The following PTPRD variants were observed in gnomAD, a reference collection of about 807,000 sequenced individuals.
The protein encoded by PTPRD is protein tyrosine phosphatase receptor type D, also known as receptor-type tyrosine-protein phosphatase delta.
Under a neutral mutation model 214.5 loss-of-function variants are expected in PTPRD, and 34 were observed. That is an observed-to-expected ratio of 0.16 (90% CI 0.12 to 0.21). The LOEUF (loss-of-function observed/expected upper bound fraction) is 0.21. PTPRD is among the 10% of genes least tolerant of loss of function. The pLI, the probability that PTPRD is intolerant of heterozygous loss-of-function variation, is 1.00. For missense variants in PTPRD, 2,545 were observed against 2,398.7 expected, an observed-to-expected ratio of 1.06 and a Z score of -1.27; for synonymous variants, 1,128 against 845.7, an observed-to-expected ratio of 1.33 and a Z score of -5.79.
At chr9:9,333,992 A>G (rs1220289776) in intron 9 of PTPRD, among the ~76,000 whole-genome samples, 1 of 151,948 alleles carries the variant, frequency 6.6e-6, no homozygotes, top group Non-Finnish European at 1.5e-5. Flanking sequence ...AGGGGGAGGA[A>G]CTATGACTAA....
chr9:9,723,239 C>T (rs2097999839), intron 7 of PTPRD, among the ~76,000 whole-genome samples: 1 of 151,936 alleles, frequency 6.6e-6, no homozygotes, highest in East Asian at 1.9e-4. Flanking sequence ...TAAGACTATC[C>T]AGTTGTCTCA....
In PTPRD at chr9:8,376,052, C is replaced by T. The variant is rs1461777092; in HGVS notation, c.4545G>A (p.Gln1515=). ...SSEKREVRQF[Q]FTAWPDHGVP... Reference sequence around the variant, plus strand: ...CACCATGATCAGGCCAGGCGGTGAACTGGAATTGTCTCACTTCTCTCTTCT... The same window carrying T: ...CACCATGATCAGGCCAGGCGGTGAATTGGAATTGTCTCACTTCTCTCTTCT... Residue 1515 remains glutamine, a synonymous_variant, in exon 39 of 46, where the codon CAG becomes CAA. Coordinates refer to ENST00000381196, the MANE Select transcript of PTPRD (RefSeq NM_002839.4). 9 of 1,612,766 alleles carry T rather than the reference C, an allele frequency of 5.6e-6. No homozygotes were observed. Among genetic ancestry groups the T allele is most frequent in the Middle Eastern group, 1.6e-4 (1 of 6,068 alleles).
At chr9:9,599,287 G>C (rs1173375238) in intron 7 of PTPRD, among the ~76,000 whole-genome samples, 1 of 152,080 alleles carries the variant, frequency 6.6e-6, no homozygotes, top group African/African-American at 2.4e-5. Flanking sequence ...GGAATATAGG[G>C]AGACTCAGCC....
intron 2 of PTPRD, among the ~76,000 whole-genome samples, chr9:10,419,342 CATT>C (rs1794018853): frequency 6.6e-6 from 1 of 151,856 alleles, no homozygotes; most frequent in Admixed American, 6.6e-5. Context: ...TCTCTCCTAA[CATT>C]AGTGATGTTT....
chr9:9,051,141 A>G (rs901715511), intron 10 of PTPRD, among the ~76,000 whole-genome samples: 2 of 152,174 alleles, frequency 1.3e-5, no homozygotes, highest in Non-Finnish European at 2.9e-5. Flanking sequence ...TCTATATTTA[A>G]CAATATAAGT....
chr9:9,258,529 T>C (rs1279074423), intron 9 of PTPRD, among the ~76,000 whole-genome samples: 1 of 151,948 alleles, frequency 6.6e-6, no homozygotes, highest in East Asian at 2.0e-4. Context: ...TCAATAATGA[T>C]AACTTATGTC....
intron 10 of PTPRD, among the ~76,000 whole-genome samples, chr9:9,109,250 G>C (rs1329708439): frequency 6.6e-6 from 1 of 152,126 alleles, no homozygotes; most frequent in East Asian, 1.9e-4. Context: ...TCTATGTAGA[G>C]ATTAGCAGCA....
At chr9:8,923,043 T>C (rs1166192683) in intron 11 of PTPRD, among the ~76,000 whole-genome samples, 1 of 13,774 alleles carries the variant, frequency 7.3e-5, no homozygotes, top group South Asian at 1.3e-3. Context: ...TTGTCTGTCT[T>C]TTTTTTTGTT....
chr9:9,572,203 T>C (rs2086662842), intron 8 of PTPRD, among the ~76,000 whole-genome samples: 2 of 151,220 alleles, frequency 1.3e-5, no homozygotes, highest in Admixed American at 1.3e-4. Flanking sequence ...CACAACTAGC[T>C]CTCCAGAAGG....
At chr9:8,561,746 C>T (rs2086454234) in intron 14 of PTPRD, among the ~76,000 whole-genome samples, 1 of 141,298 alleles carries the variant, frequency 7.1e-6, no homozygotes, top group African/African-American at 2.9e-5. Context: ...GGAAAGGATC[C>T]TTGGATTTTT....
In PTPRD at chr9:9,528,080, T is replaced by C. The variant is rs150135471; in HGVS notation, c.-237+46652A>G. Reference sequence around the variant, plus strand: ...GAGACAATCCAGCCATCTTGTGAAATTGAGGAAACAGAAATCAAACTGTGG... The same window carrying C: ...GAGACAATCCAGCCATCTTGTGAAACTGAGGAAACAGAAATCAAACTGTGG... On this transcript the variant is annotated intron_variant, in intron 8 of 45. Transcript: ENST00000381196. Among the ~76,000 whole-genome samples, 476 of 152,254 alleles carry C rather than the reference T, an allele frequency of 3.1e-3. 1 individual carries two copies. Among genetic ancestry groups the C allele is most frequent in the African/African-American group, 0.01 (417 of 41,564 alleles).
intron 11 of PTPRD, among the ~76,000 whole-genome samples, chr9:8,816,362 G>GA (rs549197301): frequency 6.6e-5 from 10 of 152,182 alleles, no homozygotes; most frequent in Non-Finnish European, 1.5e-4. Flanking sequence ...GCTATGGAAA[G>GA]AATGAGATGA....
At chr9:9,128,841 G>A (rs2099838168) in intron 10 of PTPRD, among the ~76,000 whole-genome samples, 1 of 152,166 alleles carries the variant, frequency 6.6e-6, no homozygotes, top group South Asian at 2.1e-4. Context: ...AAGAATAGCA[G>A]TATTTTTCAC....
At chr9:9,253,932 C>T (rs2099976556) in intron 9 of PTPRD, among the ~76,000 whole-genome samples, 1 of 152,068 alleles carries the variant, frequency 6.6e-6, no homozygotes. Context: ...CTAGTTCAGC[C>T]TCTGGCAGTT....
intron 2 of PTPRD, among the ~76,000 whole-genome samples, chr9:10,554,469 T>A (rs1222554998): frequency 1.3e-5 from 2 of 152,098 alleles, no homozygotes; most frequent in African/African-American, 4.8e-5. Flanking sequence ...TTAATTTAAA[T>A]ATTCCAGCTC....
At chr9:9,305,242 G>T (rs116855855) in intron 9 of PTPRD, among the ~76,000 whole-genome samples, 2,281 of 151,684 alleles carry the variant, frequency 0.015, 23 homozygotes, top group Non-Finnish European at 0.022. Flanking sequence ...TTTCTATTCT[G>T]TCATTGTAGA....
intron 3 of PTPRD, among the ~76,000 whole-genome samples, chr9:10,279,787 G>A (rs1040679870): frequency 3.1e-4 from 47 of 151,894 alleles, no homozygotes; most frequent in African/African-American, 1.0e-3. Context: ...TCTAAGTGGC[G>A]TAGTCACTAA....
chr9:9,288,366 G>GT (rs894996682), intron 9 of PTPRD, among the ~76,000 whole-genome samples: 2 of 151,708 alleles, frequency 1.3e-5, no homozygotes, highest in African/African-American at 4.8e-5. Flanking sequence ...AGTCAAAAAT[G>GT]TCTATTTTCA....
chr9:9,319,455 T>G (rs1158315822), intron 9 of PTPRD, among the ~76,000 whole-genome samples: 1 of 152,186 alleles, frequency 6.6e-6, no homozygotes, highest in Non-Finnish European at 1.5e-5. Context: ...CACACAGATG[T>G]GGAGAACATT....
Sources: gnomAD v4.1 joint callset for allele counts (sites outside exome capture counted in the v4.1 genomes callset) on GRCh38, gnomAD v4.1.1 for gene constraint, MANE v1.5 for transcripts, NCBI Gene and HGNC (gene_info 2026-07-23, HGNC 2026-07-21) for gene names.